CARMIL1: variants seen among roughly 807,000 people sequenced by gnomAD.
CARMIL1 encodes F-actin-uncapping protein LRRC16A.
CARMIL1 carries 90 observed loss-of-function variants against 177.1 expected under a neutral mutation model. That is an observed-to-expected ratio of 0.51 (90% CI 0.43 to 0.61). The LOEUF (loss-of-function observed/expected upper bound fraction) is 0.61. Ranked by LOEUF, CARMIL1 falls within the 20% of genes least tolerant of loss-of-function variation. CARMIL1 has a pLI of 0.00. For missense variants in CARMIL1, 1,380 were observed against 1,667.0 expected, an observed-to-expected ratio of 0.83 and a Z score of 3.00; for synonymous variants, 577 against 606.2, an observed-to-expected ratio of 0.95 and a Z score of 0.71.
At position 25,319,238 on chromosome 6, in the gene CARMIL1, G is replaced by A. The variant is rs1341411854; in HGVS notation, c.138+34329G>A. Among the ~76,000 whole-genome samples the A allele has an allele frequency of 3.3e-5, 5 of 152,092 alleles. No individual in the cohort carries two copies. The South Asian group carries it at 8.3e-4, about 25-fold the overall frequency. Reference sequence around the variant, plus strand: ...AGAGAAATCCTTTGCTCTGCAGGCCGTACTGGGCATCATGTGGCTGACTTC... The same window carrying A: ...AGAGAAATCCTTTGCTCTGCAGGCCATACTGGGCATCATGTGGCTGACTTC... On this transcript the variant is annotated intron_variant, in intron 2 of 36. Transcript: ENST00000329474.
chr6:25,423,190 G>A (rs765687833), intron 3 of CARMIL1, among the ~76,000 whole-genome samples: 12 of 152,090 alleles, frequency 7.9e-5, no homozygotes, highest in Non-Finnish European at 1.5e-4. Context: ...TCTTTTCTTT[G>A]GAAGCTGATT....
At chr6:25,455,100 A>G (rs577097774) in intron 8 of CARMIL1, among the ~76,000 whole-genome samples, 1 of 152,330 alleles carries the variant, frequency 6.6e-6, no homozygotes, top group East Asian at 1.9e-4. Context: ...ATTTGAACAT[A>G]TTTGAACATA....
At chr6:25,360,912 C>T (rs149864880) in intron 2 of CARMIL1, among the ~76,000 whole-genome samples, 183 of 152,292 alleles carry the variant, frequency 1.2e-3, no homozygotes, top group African/African-American at 4.0e-3. Context: ...ACTAGAATGC[C>T]TGGGAAACAT....
At chr6:25,526,216 A>G (rs568388375) in intron 23 of CARMIL1, among the ~76,000 whole-genome samples, 6 of 151,794 alleles carry the variant, frequency 4.0e-5, no homozygotes, top group Admixed American at 2.6e-4. Context: ...GGTGGTGGGC[A>G]CCTGTAGTCC....
At chr6:25,386,362 C>G (rs1327878742) in intron 2 of CARMIL1, among the ~76,000 whole-genome samples, 3 of 152,140 alleles carry the variant, frequency 2.0e-5, no homozygotes, top group Non-Finnish European at 4.4e-5. Context: ...AAGTGATCCT[C>G]CTGCCTCAGC....
intron 2 of CARMIL1, among the ~76,000 whole-genome samples, chr6:25,307,994 A>G (rs970662774): frequency 2.0e-5 from 3 of 152,256 alleles, no homozygotes; most frequent in South Asian, 4.1e-4. Flanking sequence ...TGGCATTCAA[A>G]TGGCACTGAT....
intron 2 of CARMIL1, among the ~76,000 whole-genome samples, chr6:25,298,987 G>A (rs1327204467): frequency 2.0e-5 from 3 of 151,818 alleles, no homozygotes; most frequent in African/African-American, 7.3e-5. Context: ...CCTGACCTCA[G>A]GTGATCTGCC....
intron 20 of CARMIL1, 23 bp downstream of exon 20, chr6:25,510,785 T>TG: frequency 7.3e-7 from 1 of 1,376,976 alleles, no homozygotes; most frequent in South Asian, 1.3e-5. Context: ...TTAAACTTTT[T>TG]ACTAAAATCT....
intron 11 of CARMIL1, 50 bp from the exon 12 acceptor site, chr6:25,482,207 T>A (rs778578521): frequency 9.0e-5 from 79 of 881,046 alleles, no homozygotes; most frequent in Non-Finnish European, 1.3e-4. Flanking sequence ...TTGTAAAAAA[T>A]GCAATTCTGA....
At chr6:25,586,892 G>A (rs1488610112) in intron 31 of CARMIL1, among the ~76,000 whole-genome samples, 2 of 152,008 alleles carry the variant, frequency 1.3e-5, no homozygotes, top group East Asian at 1.9e-4. Context: ...GCAGTGAGCC[G>A]AGATGGCAGC....
intron 29 of CARMIL1, among the ~76,000 whole-genome samples, chr6:25,565,678 C>G (rs997948521): frequency 3.3e-5 from 5 of 152,060 alleles, no homozygotes; most frequent in Non-Finnish European, 7.4e-5. Context: ...AATCCTGTCT[C>G]TACTAAAAAT....
At position 25,509,817 on chromosome 6, in the gene CARMIL1, A is replaced by C; in HGVS notation, c.1477+80A>C. On this transcript the variant is annotated intron_variant, in intron 18 of 36. Coordinates refer to ENST00000329474, the MANE Select transcript of CARMIL1 (RefSeq NM_017640.6). The surrounding 1 kb of genome is among the most constrained non-coding windows in gnomAD (Gnocchi z 4.1). ...TAAGGGGAAAATAATCTTCTACCCAAATCCAAACAATAGCTTAATAAAAAA... is the reference window on the plus strand; with the variant it reads ...TAAGGGGAAAATAATCTTCTACCCACATCCAAACAATAGCTTAATAAAAAA... 1.0e-6 allele frequency: 1 copy of C among 960,976 alleles called. No individual in the cohort carries two copies. Among genetic ancestry groups the C allele is most frequent in the South Asian group, 1.5e-5 (1 of 65,934 alleles). 59.5% of individuals were successfully genotyped at this position (960,976 alleles called of 1,614,324 possible). A position where few individuals can be genotyped will look rare whatever the true frequency, so the allele number is the denominator to read the frequency against.
intron 12 of CARMIL1, among the ~76,000 whole-genome samples, chr6:25,484,278 G>A (rs904011712): frequency 2.6e-5 from 4 of 152,132 alleles, no homozygotes; most frequent in South Asian, 2.1e-4. Flanking sequence ...AGTCTCTCAC[G>A]GAATGTGCCT....
At position 25,287,687 on chromosome 6, in the gene CARMIL1, T is replaced by G. The variant is rs540742280; in HGVS notation, c.138+2778T>G. ...TTTTACAGATGAGGAAATTGAGATT[T>G]GGCGAGGCCAAAGTAAATTGCTTCA... On this transcript the variant is annotated intron_variant, in intron 2 of 36. Coordinates refer to ENST00000329474, the MANE Select transcript of CARMIL1 (RefSeq NM_017640.6). Among the ~76,000 whole-genome samples, 6 of 152,370 alleles carry G rather than the reference T, an allele frequency of 3.9e-5. No individual in the cohort carries two copies. The East Asian group carries it at 1.2e-3, about 29-fold the overall frequency.
chr6:25,506,755 C>G (rs757761759), intron 17 of CARMIL1, among the ~76,000 whole-genome samples: 2 of 152,238 alleles, frequency 1.3e-5, no homozygotes, highest in South Asian at 4.1e-4. Flanking sequence ...AAAAAAATTA[C>G]TATTGGAACC....
intron 2 of CARMIL1, among the ~76,000 whole-genome samples, chr6:25,291,592 C>T (rs545591899): frequency 9.7e-4 from 148 of 152,256 alleles, no homozygotes; most frequent in African/African-American, 3.4e-3. Flanking sequence ...TGTTCAGCTT[C>T]TTAAGGCAAC....
At chr6:25,497,137 A>G (rs1252291369) in intron 16 of CARMIL1, among the ~76,000 whole-genome samples, 1 of 152,190 alleles carries the variant, frequency 6.6e-6, no homozygotes, top group African/African-American at 2.4e-5. Context: ...ATAAAATTCC[A>G]TGTATACATT....
intron 2 of CARMIL1, among the ~76,000 whole-genome samples, chr6:25,380,052 G>A (rs1471221385): frequency 2.0e-5 from 3 of 151,986 alleles, no homozygotes; most frequent in East Asian, 3.9e-4. Context: ...AAATTAGGTG[G>A]CAAGAAAGGA....
intron 5 of CARMIL1, among the ~76,000 whole-genome samples, chr6:25,448,325 T>C (rs1190546079): frequency 1.3e-5 from 2 of 152,134 alleles, no homozygotes; most frequent in East Asian, 1.9e-4. Context: ...TTTGCCTTGC[T>C]CCCCAGATTC....
Sources: gnomAD v4.1 joint callset for allele counts (sites outside exome capture counted in the v4.1 genomes callset) on GRCh38, gnomAD v4.1.1 for gene constraint, Gnocchi (gnomAD v3.1) non-coding constraint, MANE v1.5 for transcripts, NCBI Gene and HGNC (gene_info 2026-07-23, HGNC 2026-07-21) for gene names.